COL6A2: variants seen among roughly 807,000 people sequenced by gnomAD.
COL6A2 encodes the protein collagen alpha-2(VI) chain.
Under a neutral mutation model 124.9 loss-of-function variants are expected in COL6A2, and 90 were observed. The observed-to-expected ratio is 0.72, with a 90% CI of 0.61 to 0.86. The LOEUF is 0.86. COL6A2 is among the 40% of genes least tolerant of loss of function. The pLI is 0.00. For synonymous variants in COL6A2, 793 were observed against 618.2 expected, an observed-to-expected ratio of 1.28 and a Z score of -4.19; for missense variants, 1,607 against 1,502.5, an observed-to-expected ratio of 1.07 and a Z score of -1.15.
At position 46,121,628 on chromosome 21, in the gene COL6A2, C is replaced by T. The variant is rs753385303; in HGVS notation, c.1521+10C>T. 3.7e-6 allele frequency: 6 copies of T among 1,612,578 alleles called. No homozygotes were observed. In the Admixed American group the frequency reaches 6.7e-5, roughly 18 times the overall value. On this transcript the variant is annotated intron_variant, in intron 18 of 27. Transcript: ENST00000300527. Reference sequence around the variant, plus strand: ...ACAGCCAGGCCCCAAGGTACGTGCCCCTCCCCCAGCAGGACGTATTAGGGG... The same window carrying T: ...ACAGCCAGGCCCCAAGGTACGTGCCTCTCCCCCAGCAGGACGTATTAGGGG...
chr21:46,123,723 G>A (rs111067132), intron 21 of COL6A2, among the ~76,000 whole-genome samples: 2,160 of 151,002 alleles, frequency 0.014, 59 homozygotes, highest in African/African-American at 0.049. Flanking sequence ...GTGGGTGGGC[G>A]AGTGTGTGGT....
chr21:46,129,816 T>C, intron 27 of COL6A2: 4 of 1,143,128 alleles, frequency 3.5e-6, no homozygotes, highest in Non-Finnish European at 4.3e-6. Flanking sequence ...GTCTGCAGAG[T>C]CCTTCTTTGC....
Position 46,125,101 on chromosome 21 carries a change from G to T in COL6A2, c.1771-165G>T, listed in dbSNP as rs556425419. ...GGTCACAGGGCAAGGTTGGTGGGGG[G>T]AGGAGGGTGGCAGCGAGGTTGGTAG... On this transcript the variant is annotated intron_variant, in intron 23 of 27. Coordinates refer to ENST00000300527, the MANE Select transcript of COL6A2 (RefSeq NM_001849.4). Among the ~76,000 whole-genome samples the T allele has an allele frequency of 5.9e-5, 9 of 152,230 alleles. No individual in the cohort carries two copies. In the South Asian group the frequency reaches 1.2e-3, roughly 21 times the overall value.
chr21:46,103,019 G>T (rs2078303593), intron 1 of COL6A2, among the ~76,000 whole-genome samples: 2 of 152,046 alleles, frequency 1.3e-5, no homozygotes, highest in African/African-American at 4.8e-5. Flanking sequence ...TATGTGTTTG[G>T]TAGAATTCAC....
chr21:46,124,091 G>A (rs2078618120), intron 21 of COL6A2, among the ~76,000 whole-genome samples: 1 of 151,016 alleles, frequency 6.6e-6, no homozygotes, highest in African/African-American at 2.4e-5. Flanking sequence ...TGGGTGGGTG[G>A]GTAGAGGATG....
chr21:46,103,764 T>C (rs918415284), intron 1 of COL6A2, among the ~76,000 whole-genome samples: 6 of 152,218 alleles, frequency 3.9e-5, no homozygotes, highest in African/African-American at 1.4e-4. Context: ...TCTTGTATGA[T>C]GTAGATCTTT....
chr21:46,103,126 TTCATGATTTGA>T (rs1189018695), intron 1 of COL6A2, among the ~76,000 whole-genome samples: 1 of 152,216 alleles, frequency 6.6e-6, no homozygotes, highest in Non-Finnish European at 1.5e-5. Context: ...TTTCTATTTC[TTCATGATTTGA>T]TTTTGTCTTG....
In COL6A2 at chr21:46,111,520, TG is replaced by T; in HGVS notation, c.49del (p.Ala17ProfsTer54). On this transcript the variant is annotated frameshift_variant, in exon 2 of 28. Coordinates refer to ENST00000300527, the MANE Select transcript of COL6A2 (RefSeq NM_001849.4). LOFTEE classifies it high-confidence loss of function. ...TCSVLLLWGI[L>X]GAIQAQQQEV... ...TCCGTGCTCCTGCTCTGGGGAATCC[TG>T]GGGGCCATCCAGGCCCAGCAGCAGG... 6.2e-7 allele frequency: 1 copy of T among 1,612,782 alleles called. No individual in the cohort carries two copies. Among genetic ancestry groups the T allele is most frequent in the Non-Finnish European group, 8.5e-7 (1 of 1,179,820 alleles).
In COL6A2 at chr21:46,122,136, A is replaced by T; in HGVS notation, c.1550A>T (p.Tyr517Phe). ...GACCCCGGCAGGCCTGGATTCAGCT[A>T]CCCAGGACCCCGAGGAGCACCCGTG... The part of the protein sequence containing the change: ...KGDPGRPGFS[Y>F]PGPRGAPGEK... Residue 517 changes from tyrosine (Y) to phenylalanine (F), a missense_variant, in exon 19 of 28, where the codon TAC becomes TTC. By Grantham distance (22) the Tyr-to-Phe change is conservative. This residue lies in a region of COL6A2 where 1,223 missense variants were observed against 1,052.2 expected (regional missense o/e 1.16). Transcript: ENST00000300527. 1 of 1,612,700 alleles carries T rather than the reference A, an allele frequency of 6.2e-7. No homozygotes were observed. The highest frequency in any genetic ancestry group is 1.1e-5 in the South Asian group (1 of 91,062).
At chr21:46,113,855 C>T (rs1555872104) in intron 4 of COL6A2, 153 bp from the exon 5 acceptor site, 1 of 710,484 alleles carries the variant, frequency 1.4e-6, no homozygotes, top group Non-Finnish European at 2.6e-6. Flanking sequence ...CCCCATGTCT[C>T]ACAGCTCCCT....
chr21:46,126,086 C>T lies in COL6A2; in HGVS notation c.2271C>T (p.Ile757=), dbSNP rs771683876. 1.1e-5 allele frequency: 18 copies of T among 1,612,866 alleles called. No individual in the cohort carries two copies. Among genetic ancestry groups the T allele is most frequent in the East Asian group, 6.7e-5 (3 of 44,866 alleles). ...ACCGCGACGTCACAGTGACGGCCATCGGCATCGGGGACATGTTCCACGAGA... is the reference window on the plus strand; with the variant it reads ...ACCGCGACGTCACAGTGACGGCCATTGGCATCGGGGACATGTTCCACGAGA... ...LCDRDVTVTA[I]GIGDMFHEKH... is the part of the protein sequence containing the mutation. The change falls in exon 26 of 28, where the codon ATC becomes ATT. Residue 757 remains isoleucine (I), a synonymous_variant. Transcript: ENST00000300527.
At chr21:46,115,111 C>T (rs1353384096) in intron 5 of COL6A2, among the ~76,000 whole-genome samples, 1 of 152,246 alleles carries the variant, frequency 6.6e-6, no homozygotes, top group Non-Finnish European at 1.5e-5. Context: ...GAATTTGCCA[C>T]TTGGGGCAGC....
At chr21:46,109,444 GC>G (rs1272768592) in intron 1 of COL6A2, among the ~76,000 whole-genome samples, 10 of 152,172 alleles carry the variant, frequency 6.6e-5, no homozygotes, top group Admixed American at 1.3e-4. Context: ...GGGCAACCCG[GC>G]CCCCAGGCTT....
At chr21:46,122,789 A>G in intron 20 of COL6A2, 86 bp from the exon 21 acceptor site, 3 of 1,383,792 alleles carry the variant, frequency 2.2e-6, no homozygotes, top group Non-Finnish European at 3.1e-6. Context: ...AAAATGCCAG[A>G]TCGATTTTTC....
At position 46,132,372 on chromosome 21, in the gene COL6A2, G is replaced by T. The variant is rs375430758; in HGVS notation, c.2880G>T (p.Ser960=). Residue 960 remains serine (S), a synonymous_variant, in exon 28 of 28, where the codon TCG becomes TCT. Coordinates refer to ENST00000300527, the MANE Select transcript of COL6A2 (RefSeq NM_001849.4). The part of the protein sequence containing the change: ...GVTGNDSLHE[S]AHSMRKQNVV... ...CGGGCAACGACAGTCTGCACGAGTC[G>T]GCGCACTCCATGCGCAAGCAGAACG... 2.6e-5 allele frequency: 42 copies of T among 1,609,166 alleles called. 2 individuals carry two copies. In the South Asian group the frequency reaches 4.0e-4, roughly 15 times the overall value.
rs1487595266 is a variant in COL6A2 at position 46,116,122 on chromosome 21, G to A, written c.900+69G>A. The A allele has an allele frequency of 2.0e-6, 3 of 1,495,016 alleles. No individual in the cohort carries two copies. The highest frequency in any genetic ancestry group is 2.8e-5 in the African/African-American group (2 of 71,898). The allele number at this position is 1,495,016 out of a possible 1,614,324, so 92.6% of individuals were successfully genotyped here. A position where few individuals can be genotyped will look rare whatever the true frequency, so the allele number is the denominator to read the frequency against. On this transcript the variant is annotated intron_variant, in intron 7 of 27. Coordinates refer to ENST00000300527, the MANE Select transcript of COL6A2 (RefSeq NM_001849.4). This position sits in a 1 kb window ranked among gnomAD's most constrained non-coding sequence, Gnocchi z 4.6. ...AGCACTGCCAGGCAGGCTCCCCCCA[G>A]CCCAGCCTCGGCCTCAGCCTCTACG...
chr21:46,129,056 C>T, intron 27 of COL6A2: 2 of 1,600,436 alleles, frequency 1.2e-6, no homozygotes, highest in African/African-American at 1.3e-5. Context: ...CACACACCCG[C>T]TCCACCTGCA....
intron 18 of COL6A2, 102 bp from the exon 19 acceptor site, chr21:46,122,006 G>A: frequency 1.6e-6 from 2 of 1,264,162 alleles, no homozygotes; most frequent in Non-Finnish European, 2.3e-6. Flanking sequence ...GGCACCCCTA[G>A]CCCACTTCCA....
chr21:46,115,788 CCT>C, intron 5 of COL6A2, 82 bp from the exon 6 acceptor site: 1 of 1,251,140 alleles, frequency 8.0e-7, no homozygotes, highest in East Asian at 2.4e-5. Flanking sequence ...TGCTGTGTCA[CCT>C]CTCAGAGGAG....
Sources: gnomAD v4.1 joint callset for allele counts (sites outside exome capture counted in the v4.1 genomes callset) on GRCh38, gnomAD v4.1.1 for gene constraint, gnomAD v4.1.1 regional missense constraint, Gnocchi (gnomAD v3.1) non-coding constraint, MANE v1.5 for transcripts, NCBI Gene and HGNC (gene_info 2026-07-23, HGNC 2026-07-21) for gene names.